DPP6: variants seen among roughly 807,000 people sequenced by gnomAD.
The protein encoded by DPP6 is A-type potassium channel modulatory protein DPP6.
In DPP6, 69 loss-of-function variants were observed where a neutral mutation model predicts 122.6. The ratio of observed to expected loss-of-function variants is 0.56; its 90% CI spans 0.46 to 0.69. DPP6 has a LOEUF of 0.69. DPP6 is among the 30% of genes least tolerant of loss of function. The pLI is 0.00. For missense variants in DPP6, 928 were observed against 1,116.9 expected (o/e 0.83, Z 2.41); for synonymous variants, 418 against 433.1 (o/e 0.97, Z 0.43).
chr7:154,021,151 A>G (rs1798679198), intron 1 of DPP6, among the ~76,000 whole-genome samples: 1 of 152,166 alleles, frequency 6.6e-6, no homozygotes, highest in African/African-American at 2.4e-5. Context: ...GCCAACGCTT[A>G]CATTGCAGCA....
intron 1 of DPP6, among the ~76,000 whole-genome samples, chr7:154,263,359 A>G (rs1803161016): frequency 6.6e-6 from 1 of 152,218 alleles, no homozygotes; most frequent in African/African-American, 2.4e-5. Flanking sequence ...AGCTGATTAG[A>G]ACAGGTTAGC....
At chr7:154,354,739 A>G (rs1201967989) in intron 1 of DPP6, among the ~76,000 whole-genome samples, 3 of 152,176 alleles carry the variant, frequency 2.0e-5, no homozygotes, top group Non-Finnish European at 2.9e-5. Context: ...GCATTTCTGT[A>G]AAGTGTTTTG....
chr7:154,487,473 C>T (rs1450288428), intron 3 of DPP6, among the ~76,000 whole-genome samples: 5 of 152,300 alleles, frequency 3.3e-5, no homozygotes, highest in South Asian at 4.1e-4. Context: ...CTGGGGCAGG[C>T]GGTTTTCTGC....
At chr7:154,269,051 GT>G (rs922908655) in intron 1 of DPP6, among the ~76,000 whole-genome samples, 3 of 148,036 alleles carry the variant, frequency 2.0e-5, no homozygotes, top group African/African-American at 7.5e-5. Flanking sequence ...CTAAGTATAT[GT>G]TTTTTTTTCA....
At chr7:154,842,897 C>T (rs897911901) in intron 16 of DPP6, among the ~76,000 whole-genome samples, 1 of 152,180 alleles carries the variant, frequency 6.6e-6, no homozygotes. Context: ...TTGCATGCTC[C>T]AAGGCTGCAC....
chr7:154,171,382 T>C (rs1193353401), intron 1 of DPP6, among the ~76,000 whole-genome samples: 4 of 152,342 alleles, frequency 2.6e-5, no homozygotes, highest in African/African-American at 9.6e-5. Flanking sequence ...GACAACTGCA[T>C]AGCCCTTTTG....
At chr7:154,212,608 C>G (rs887595882) in intron 1 of DPP6, among the ~76,000 whole-genome samples, 5 of 152,170 alleles carry the variant, frequency 3.3e-5, no homozygotes, top group African/African-American at 1.2e-4. Context: ...TGATCGAGGT[C>G]TCGGAGCTCA....
intron 1 of DPP6, among the ~76,000 whole-genome samples, chr7:154,401,907 A>C (rs1001862878): frequency 6.6e-6 from 1 of 152,184 alleles, no homozygotes; most frequent in Non-Finnish European, 1.5e-5. Flanking sequence ...ACAAGAAAAA[A>C]ACAAACAACC....
intron 7 of DPP6, among the ~76,000 whole-genome samples, chr7:154,697,314 G>T (rs1026582065): frequency 6.6e-6 from 1 of 152,180 alleles, no homozygotes; most frequent in African/African-American, 2.4e-5. Flanking sequence ...CCCAGAACCT[G>T]CCCACGAGAA....
chr7:154,516,228 C>A (rs960155168), intron 3 of DPP6, among the ~76,000 whole-genome samples: 17 of 151,476 alleles, frequency 1.1e-4, no homozygotes, highest in African/African-American at 4.1e-4. Context: ...TCCCAGATGA[C>A]CAGAAGGACT....
At chr7:154,428,467 T>G (rs1376280686) in intron 1 of DPP6, among the ~76,000 whole-genome samples, 1 of 152,158 alleles carries the variant, frequency 6.6e-6, no homozygotes, top group African/African-American at 2.4e-5. Flanking sequence ...AAAGGATACC[T>G]GCCATTCAAT....
chr7:154,825,331 A>C (rs1800069063), intron 16 of DPP6, among the ~76,000 whole-genome samples: 1 of 152,258 alleles, frequency 6.6e-6, no homozygotes, highest in Admixed American at 6.5e-5. Flanking sequence ...ATGTAAGACT[A>C]TTTTAAATCT....
At chr7:154,517,987 T>A (rs1193385268) in intron 3 of DPP6, among the ~76,000 whole-genome samples, 1 of 152,168 alleles carries the variant, frequency 6.6e-6, no homozygotes, top group Admixed American at 6.5e-5. Flanking sequence ...GAGCTGAACA[T>A]TCCCATCAGC....
chr7:154,742,861 C>T (rs1259514772), intron 8 of DPP6, among the ~76,000 whole-genome samples: 3 of 152,178 alleles, frequency 2.0e-5, no homozygotes. Flanking sequence ...ATCTCAAGAG[C>T]CTCTGGGACT....
chr7:153,949,059 A>G (rs775316650), intron 1 of DPP6, among the ~76,000 whole-genome samples: 2 of 152,158 alleles, frequency 1.3e-5, no homozygotes, highest in Non-Finnish European at 2.9e-5. Context: ...CTCCAAAATC[A>G]TTCATTCGTT....
chr7:154,884,949 C>G (rs1245049084), intron 21 of DPP6: 1 of 152,538 alleles, frequency 6.6e-6, no homozygotes, highest in Non-Finnish European at 1.5e-5. Flanking sequence ...CTCTGTCTCT[C>G]ACACATACCT....
At chr7:154,584,288 T>C (rs939371066) in intron 5 of DPP6, among the ~76,000 whole-genome samples, 1 of 152,206 alleles carries the variant, frequency 6.6e-6, no homozygotes, top group African/African-American at 2.4e-5. Flanking sequence ...CCTCCTCCAC[T>C]GACCTCACAG....
chr7:154,575,397 G>A (rs1831541154), intron 5 of DPP6, among the ~76,000 whole-genome samples: 156 of 102,082 alleles, frequency 1.5e-3, no homozygotes, highest in Admixed American at 3.9e-3. Context: ...TGTGTGTAGT[G>A]TGTGTGTGGT....
chr7:154,664,064 T>C (rs1405503994), intron 6 of DPP6, among the ~76,000 whole-genome samples: 10 of 107,666 alleles, frequency 9.3e-5, no homozygotes, highest in African/African-American at 2.4e-4. Flanking sequence ...GTAGTGTTCA[T>C]ATAGTCATGG....
Sources: gnomAD v4.1 joint callset for allele counts (sites outside exome capture counted in the v4.1 genomes callset) on GRCh38, gnomAD v4.1.1 for gene constraint, MANE v1.5 for transcripts, NCBI Gene and HGNC (gene_info 2026-07-23, HGNC 2026-07-21) for gene names.